DIAPH2: variants seen among roughly 807,000 people sequenced by gnomAD.
DIAPH2 encodes the protein diaphanous related formin 2, also known as protein diaphanous homolog 2.
Under a neutral mutation model 92.7 loss-of-function variants are expected in DIAPH2, and 35 were observed. The ratio of observed to expected loss-of-function variants is 0.38; its 90% CI spans 0.29 to 0.50. DIAPH2 has a LOEUF of 0.50. DIAPH2 is among the 20% of genes least tolerant of loss of function. The pLI is 0.94. For missense variants in DIAPH2, 701 were observed against 819.5 expected, an observed-to-expected ratio of 0.86 and a Z score of 1.77; for synonymous variants, 301 against 280.4, an observed-to-expected ratio of 1.07 and a Z score of -0.73.
At chrX:97,289,171 CAT>C (rs1165643385) in intron 23 of DIAPH2, among the ~76,000 whole-genome samples, 3 of 111,705 alleles carry the variant, frequency 2.7e-5, no homozygotes, top group Non-Finnish European at 5.6e-5. Flanking sequence ...TAAAACATAA[CAT>C]GTCCATAATT....
At chrX:96,870,776 G>C (rs1004460092) in intron 4 of DIAPH2, among the ~76,000 whole-genome samples, 3 of 111,334 alleles carry the variant, frequency 2.7e-5, no homozygotes, top group African/African-American at 9.8e-5. Flanking sequence ...AAATAATAGG[G>C]TAATTTTTTG....
At chrX:97,044,569 T>A (rs1480296679) in intron 17 of DIAPH2, among the ~76,000 whole-genome samples, 1 of 110,985 alleles carries the variant, frequency 9.0e-6, no homozygotes, top group Non-Finnish European at 1.9e-5. Context: ...ACAGAAAGAG[T>A]CCCTGTACCT....
chrX:97,463,718 A>G (rs2070481710), intron 26 of DIAPH2, among the ~76,000 whole-genome samples: 1 of 111,165 alleles, frequency 9.0e-6, no homozygotes, highest in South Asian at 3.8e-4. Context: ...ATCCTCACAA[A>G]AATCCTATTA....
intron 26 of DIAPH2, among the ~76,000 whole-genome samples, chrX:97,563,916 C>A (rs751935417): frequency 9.0e-6 from 1 of 111,529 alleles, no homozygotes. Context: ...GATTGGCATC[C>A]TAACAGAAGA....
intron 4 of DIAPH2, among the ~76,000 whole-genome samples, chrX:96,842,586 T>G (rs1430572156): frequency 1.8e-5 from 2 of 112,302 alleles, no homozygotes; most frequent in Non-Finnish European, 3.8e-5. Context: ...ACCTACTAGG[T>G]GCTTTACAAA....
chrX:97,088,744 A>C (rs1253323222), intron 19 of DIAPH2, among the ~76,000 whole-genome samples: 1 of 112,414 alleles, frequency 8.9e-6, no homozygotes, highest in Non-Finnish European at 1.9e-5. Context: ...TCTTCATGAA[A>C]GTAAACATAA....
chrX:97,069,235 T>G (rs761968015), intron 17 of DIAPH2, among the ~76,000 whole-genome samples: 8 of 111,405 alleles, frequency 7.2e-5, no homozygotes, highest in Non-Finnish European at 1.5e-4. Flanking sequence ...AGTGTTGAGA[T>G]TACACCCAGC....
intron 25 of DIAPH2, among the ~76,000 whole-genome samples, chrX:97,427,323 A>G (rs991818150): frequency 6.3e-5 from 7 of 111,776 alleles, no homozygotes; most frequent in Admixed American, 1.9e-4. Flanking sequence ...CAAGCCCCAT[A>G]TCATAGAATT....
chrX:97,177,954 AT>A lies in DIAPH2; in HGVS notation c.2719+36161del, dbSNP rs778851721. On this transcript the variant is annotated intron_variant, in intron 22 of 26. Coordinates refer to ENST00000324765, the MANE Select transcript of DIAPH2 (RefSeq NM_006729.5). ...CCAGGCACGGTGGTTTGCCCCTGTA[AT>A]CCCAGCACTTTGGGAGACCAAGGAG... Among the ~76,000 whole-genome samples the A allele has an allele frequency of 2.7e-5, 3 of 111,639 alleles. No homozygotes were observed. In the Admixed American group the frequency reaches 2.9e-4, roughly 11 times the overall value.
intron 26 of DIAPH2, among the ~76,000 whole-genome samples, chrX:97,527,056 A>G (rs2071029249): frequency 8.9e-6 from 1 of 111,871 alleles, no homozygotes; most frequent in African/African-American, 3.3e-5. Flanking sequence ...AGGCAACGAC[A>G]TATAATAGTA....
intron 22 of DIAPH2, among the ~76,000 whole-genome samples, chrX:97,243,000 A>T (rs1203666074): frequency 9.3e-6 from 1 of 107,597 alleles, no homozygotes; most frequent in African/African-American, 3.4e-5. Flanking sequence ...GTTAGCCAGG[A>T]TGGTCTCGAT....
At chrX:97,095,791 T>C (rs754893338) in intron 19 of DIAPH2, among the ~76,000 whole-genome samples, 2 of 112,237 alleles carry the variant, frequency 1.8e-5, no homozygotes, top group Non-Finnish European at 3.8e-5. Context: ...GCGTGTGGTC[T>C]ATTCGTAGAA....
At chrX:97,488,369 A>C (rs1452770080) in intron 26 of DIAPH2, among the ~76,000 whole-genome samples, 1 of 112,175 alleles carries the variant, frequency 8.9e-6, no homozygotes, top group Non-Finnish European at 1.9e-5. Context: ...CCTTTATCAG[A>C]TATGCAGCTA....
At chrX:97,056,412 T>A (rs928876433) in intron 17 of DIAPH2, among the ~76,000 whole-genome samples, 10 of 111,661 alleles carry the variant, frequency 9.0e-5, no homozygotes, top group African/African-American at 3.3e-4. Context: ...TTAAGCAAAA[T>A]TCATACTGAG....
At chrX:97,166,143 A>G (rs950599252) in intron 22 of DIAPH2, among the ~76,000 whole-genome samples, 2 of 111,472 alleles carry the variant, frequency 1.8e-5, no homozygotes, top group Non-Finnish European at 3.8e-5. Context: ...ACCCTTATCA[A>G]TCTCAATACA....
chrX:96,816,474 G>C lies in DIAPH2; in HGVS notation c.447+58216G>C, dbSNP rs1305804740. On this transcript the variant is annotated intron_variant, in intron 4 of 26. Transcript: ENST00000324765. ...AGGAGAGAGATGCATATGAAAAGATGCTCAACATCATTGATCATCAGAGAA... is the reference window on the plus strand; with the variant it reads ...AGGAGAGAGATGCATATGAAAAGATCCTCAACATCATTGATCATCAGAGAA... Among the ~76,000 whole-genome samples, 3 of 112,390 alleles carry C rather than the reference G, an allele frequency of 2.7e-5. No individual in the cohort carries two copies. The East Asian group carries it at 8.4e-4, about 31-fold the overall frequency.
intron 26 of DIAPH2, among the ~76,000 whole-genome samples, chrX:97,538,713 G>A (rs1468727674): frequency 8.9e-6 from 1 of 112,251 alleles, no homozygotes; most frequent in Non-Finnish European, 1.9e-5. Flanking sequence ...TTAATCAAGT[G>A]TATCTGCTGC....
chrX:97,470,647 A>G (rs2070554576), intron 26 of DIAPH2, among the ~76,000 whole-genome samples: 1 of 109,507 alleles, frequency 9.1e-6, no homozygotes, highest in South Asian at 4.0e-4. Flanking sequence ...AGTAGCAAAC[A>G]TAGATAGAAT....
intron 22 of DIAPH2, among the ~76,000 whole-genome samples, chrX:97,153,658 G>T (rs5920790): frequency 0.032 from 3,599 of 111,521 alleles, 53 homozygotes; most frequent in Non-Finnish European, 0.044. Flanking sequence ...TTTCTGAAAT[G>T]ATGTATGATT....
Sources: gnomAD v4.1 joint callset for allele counts (sites outside exome capture counted in the v4.1 genomes callset) on GRCh38, gnomAD v4.1.1 for gene constraint, MANE v1.5 for transcripts, NCBI Gene and HGNC (gene_info 2026-07-23, HGNC 2026-07-21) for gene names.